ERBB4: variants seen among roughly 807,000 people sequenced by gnomAD.
ERBB4 encodes the protein receptor tyrosine-protein kinase erbB-4.
In ERBB4, 42 loss-of-function variants were observed where a neutral mutation model predicts 158.0. The ratio of observed to expected loss-of-function variants is 0.27; its 90% CI spans 0.21 to 0.34. The LOEUF (loss-of-function observed/expected upper bound fraction) is 0.34. ERBB4 is among the 10% of genes least tolerant of loss of function. The pLI, the probability that ERBB4 is intolerant of heterozygous loss-of-function variation, is 1.00. For synonymous variants in ERBB4, 583 were observed against 558.7 expected (o/e 1.04, Z -0.61); for missense variants, 1,333 against 1,624.1 (o/e 0.82, Z 3.08).
At chr2:211,514,500 C>T (rs891499213) in intron 20 of ERBB4, among the ~76,000 whole-genome samples, 2 of 152,074 alleles carry the variant, frequency 1.3e-5, no homozygotes, top group Non-Finnish European at 2.9e-5. Context: ...AAAGAAGTTG[C>T]CATTCTCAAA....
intron 3 of ERBB4, among the ~76,000 whole-genome samples, chr2:211,901,362 C>T (rs2079230748): frequency 6.6e-6 from 1 of 152,180 alleles, no homozygotes. Flanking sequence ...GTAGATGCAT[C>T]AGCTCCTTCT....
intron 1 of ERBB4, among the ~76,000 whole-genome samples, chr2:212,238,764 G>T (rs1263647806): frequency 6.6e-6 from 1 of 151,942 alleles, no homozygotes; most frequent in Non-Finnish European, 1.5e-5. Context: ...AATGGTAAAT[G>T]ATACAGCTAT....
At chr2:212,516,930 A>C (rs182651069) in intron 1 of ERBB4, among the ~76,000 whole-genome samples, 75 of 152,266 alleles carry the variant, frequency 4.9e-4, no homozygotes, top group African/African-American at 1.6e-3. Flanking sequence ...AATGAACTGA[A>C]TTCCATTGAA....
chr2:212,506,762 T>C (rs1490744652), intron 1 of ERBB4, among the ~76,000 whole-genome samples: 1 of 152,144 alleles, frequency 6.6e-6, no homozygotes, highest in Non-Finnish European at 1.5e-5. Context: ...AGCTGGTTCA[T>C]GAGGTTTAAG....
Position 211,387,042 on chromosome 2 carries a change from T to C in ERBB4, c.3292A>G (p.Thr1098Ala), listed in dbSNP as rs1278487985. Residue 1098 changes from threonine to alanine, a missense_variant, in exon 27 of 28, where the codon ACT becomes GCT. Around this residue, in one of 5 missense-constraint regions of ERBB4, gnomAD observed 252 missense variants for 241.3 expected, o/e 1.04. Coordinates refer to ENST00000342788, the MANE Select transcript of ERBB4 (RefSeq NM_005235.3). ...IPEAPVAQGA[T>A]AEIFDDSCCN... ...CAGGAGTCATCAAAAATCTCAGCAG[T>C]AGCACCCTGTGCCACAGGAGCTTCT... 2 of 1,613,888 alleles carry C rather than the reference T, an allele frequency of 1.2e-6. No individual in the cohort carries two copies. Among genetic ancestry groups the C allele is most frequent in the Non-Finnish European group, 1.7e-6 (2 of 1,179,956 alleles).
chr2:212,222,437 A>G (rs1436764697), intron 1 of ERBB4, among the ~76,000 whole-genome samples: 1 of 151,650 alleles, frequency 6.6e-6, no homozygotes, highest in Non-Finnish European at 1.5e-5. Context: ...AACTCACTCC[A>G]GTCTGGTATT....
At chr2:212,154,147 A>C (rs752364548) in intron 1 of ERBB4, among the ~76,000 whole-genome samples, 3 of 152,160 alleles carry the variant, frequency 2.0e-5, no homozygotes, top group Non-Finnish European at 4.4e-5. Context: ...CAAATGAATG[A>C]ATGAATTCTT....
chr2:211,401,692 A>G (rs577730220), intron 25 of ERBB4, among the ~76,000 whole-genome samples: 6 of 152,224 alleles, frequency 3.9e-5, no homozygotes, highest in African/African-American at 1.4e-4. Context: ...TTTAAAAACA[A>G]ATAAACATGC....
chr2:211,699,800 G>C (rs186170864), intron 12 of ERBB4, among the ~76,000 whole-genome samples: 1 of 152,056 alleles, frequency 6.6e-6, no homozygotes, highest in Admixed American at 6.6e-5. Flanking sequence ...TATTATCATT[G>C]TCATTATTCA....
chr2:212,026,270 A>T (rs2076770205), intron 2 of ERBB4, among the ~76,000 whole-genome samples: 1 of 151,806 alleles, frequency 6.6e-6, no homozygotes. Context: ...GAGTAAAAAT[A>T]TCACACATAT....
At chr2:212,071,955 A>G (rs2078133584) in intron 2 of ERBB4, among the ~76,000 whole-genome samples, 1 of 151,990 alleles carries the variant, frequency 6.6e-6, no homozygotes, top group South Asian at 2.1e-4. Flanking sequence ...TCCTCTCAAC[A>G]CATCATGAGG....
At chr2:211,689,125 A>T (rs552050597) in intron 12 of ERBB4, among the ~76,000 whole-genome samples, 1 of 152,296 alleles carries the variant, frequency 6.6e-6, no homozygotes, top group East Asian at 1.9e-4. Flanking sequence ...AATAGTGCTT[A>T]TTTCTTTCTG....
At chr2:211,752,513 A>T (rs2075163527) in intron 4 of ERBB4, among the ~76,000 whole-genome samples, 1 of 149,736 alleles carries the variant, frequency 6.7e-6, no homozygotes, top group South Asian at 2.1e-4. Flanking sequence ...AAAGAAAAGA[A>T]AAGATAAAAG....
intron 20 of ERBB4, among the ~76,000 whole-genome samples, chr2:211,536,817 A>G (rs1296767719): frequency 2.6e-5 from 4 of 152,024 alleles, no homozygotes; most frequent in Admixed American, 6.6e-5. Flanking sequence ...TGGATAGCCT[A>G]TTAACTTTAA....
chr2:211,504,092 A>G (rs2065684299), intron 20 of ERBB4, among the ~76,000 whole-genome samples: 1 of 152,124 alleles, frequency 6.6e-6, no homozygotes, highest in South Asian at 2.1e-4. Flanking sequence ...TTCTGCTAAC[A>G]TCATTGTACA....
intron 1 of ERBB4, among the ~76,000 whole-genome samples, chr2:212,386,308 AG>A (rs2090672709): frequency 6.6e-6 from 1 of 151,974 alleles, no homozygotes; most frequent in Non-Finnish European, 1.5e-5. Flanking sequence ...GATGTCTCAT[AG>A]GCACATCAAA....
In ERBB4 at chr2:212,259,665, T is replaced by C. The variant is rs182693132; in HGVS notation, c.83-134762A>G. 3.3e-5 allele frequency among the ~76,000 whole-genome samples: 5 copies of C among 152,362 alleles called. No individual in the cohort carries two copies. The East Asian group carries it at 9.6e-4, about 29-fold the overall frequency. ...GCAACGAATATTCCAGGATTTTTAA[T>C]GTAAACTCCCTTTGTTCAATTATAC... On this transcript the variant is annotated intron_variant, in intron 1 of 27. Transcript: ENST00000342788.
At chr2:212,523,656 A>C (rs1005852012) in intron 1 of ERBB4, among the ~76,000 whole-genome samples, 3 of 152,014 alleles carry the variant, frequency 2.0e-5, no homozygotes, top group African/African-American at 7.2e-5. Context: ...CTAGCCATAG[A>C]GACTTGAAGG....
At chr2:212,136,422 G>T (rs1434566875) in intron 1 of ERBB4, among the ~76,000 whole-genome samples, 1 of 152,184 alleles carries the variant, frequency 6.6e-6, no homozygotes, top group Non-Finnish European at 1.5e-5. Context: ...TAGCAAGAGT[G>T]AAACATTGTA....
Sources: gnomAD v4.1 joint callset for allele counts (sites outside exome capture counted in the v4.1 genomes callset) on GRCh38, gnomAD v4.1.1 for gene constraint, gnomAD v4.1.1 regional missense constraint, MANE v1.5 for transcripts, NCBI Gene and HGNC (gene_info 2026-07-23, HGNC 2026-07-21) for gene names.